R3HDM2: variants seen among roughly 807,000 people sequenced by gnomAD.
The protein encoded by R3HDM2 is R3H domain-containing protein 2.
Under a neutral mutation model 124.5 loss-of-function variants are expected in R3HDM2, and 38 were observed. The observed-to-expected ratio is 0.31, with a 90% CI of 0.24 to 0.40. R3HDM2 has a LOEUF of 0.40. R3HDM2 is among the 10% of genes least tolerant of loss of function. The probability of loss-of-function intolerance (pLI) is 1.00; values close to 1 mark genes in which losing one functional copy is unlikely to be tolerated. For synonymous variants in R3HDM2, 391 were observed against 448.0 expected (o/e 0.87, Z 1.61); for missense variants, 869 against 1,236.9 (o/e 0.70, Z 4.46).
At chr12:57,319,235 C>T (rs1037349145) in intron 2 of R3HDM2, among the ~76,000 whole-genome samples, 3 of 152,078 alleles carry the variant, frequency 2.0e-5, no homozygotes, top group African/African-American at 4.8e-5. Flanking sequence ...GGGGTTTCAC[C>T]ATGTTGGCCA....
chr12:57,366,978 C>T (rs551559383), intron 2 of R3HDM2, among the ~76,000 whole-genome samples: 3 of 152,256 alleles, frequency 2.0e-5, no homozygotes, highest in Non-Finnish European at 2.9e-5. Flanking sequence ...TGAGCCACCA[C>T]GCCCAGTCTG....
At chr12:57,358,189 G>C (rs2061508155) in intron 2 of R3HDM2, among the ~76,000 whole-genome samples, 1 of 151,240 alleles carries the variant, frequency 6.6e-6, no homozygotes, top group Non-Finnish European at 1.5e-5. Context: ...GTTTTGCCAT[G>C]CTGGCCACGC....
intron 2 of R3HDM2, among the ~76,000 whole-genome samples, chr12:57,331,632 TAA>T (rs577183828): frequency 6.6e-6 from 1 of 151,966 alleles, no homozygotes; most frequent in Non-Finnish European, 1.5e-5. Flanking sequence ...TCTGTCTCTG[TAA>T]AATTTTTTTA....
intron 2 of R3HDM2, among the ~76,000 whole-genome samples, chr12:57,378,262 G>A (rs919889060): frequency 2.0e-5 from 3 of 152,086 alleles, no homozygotes; most frequent in African/African-American, 7.2e-5. Context: ...GCAAAAAGGG[G>A]ACATGAAAGG....
At chr12:57,338,897 G>A (rs565133236) in intron 2 of R3HDM2, among the ~76,000 whole-genome samples, 3 of 151,604 alleles carry the variant, frequency 2.0e-5, no homozygotes, top group African/African-American at 7.3e-5. Context: ...AATAATAATG[G>A]CTAATGCTAA....
At chr12:57,386,154 C>T (rs1258696575) in intron 2 of R3HDM2, among the ~76,000 whole-genome samples, 3 of 132,200 alleles carry the variant, frequency 2.3e-5, no homozygotes, top group South Asian at 2.6e-4. Flanking sequence ...GTGCTGGCAG[C>T]GCTCGCAGCC....
At chr12:57,430,478 G>GC in intron 1 of R3HDM2, 62 of 944,206 alleles carry the variant, frequency 6.6e-5, no homozygotes, top group Non-Finnish European at 6.9e-5. Flanking sequence ...CACAGGTGGC[G>GC]CCACCCCCCT....
chr12:57,332,513 A>G (rs1041046815), intron 2 of R3HDM2, among the ~76,000 whole-genome samples: 1 of 151,876 alleles, frequency 6.6e-6, no homozygotes, highest in Non-Finnish European at 1.5e-5. Context: ...CTGTTTTCTC[A>G]AAACGGTCTG....
Position 57,369,463 on chromosome 12 carries a change from TA to T in R3HDM2, c.-36+26285del, listed in dbSNP as rs747666034. On this transcript the variant is annotated intron_variant, in intron 2 of 23. Transcript: ENST00000402412. ...AGCCACCGTTCTAGCATGCCAGTAATAAATAAGCACTAACTTTGTTATGCAG... is the reference window on the plus strand; with the variant it reads ...AGCCACCGTTCTAGCATGCCAGTAATAATAAGCACTAACTTTGTTATGCAG... 5.9e-5 allele frequency among the ~76,000 whole-genome samples: 9 copies of T among 152,194 alleles called. 1 individual carries two copies. The highest frequency in any genetic ancestry group is 1.2e-4 in the African/African-American group (5 of 41,446).
chr12:57,301,970 C>T (rs1429703033), intron 4 of R3HDM2, among the ~76,000 whole-genome samples: 4 of 152,186 alleles, frequency 2.6e-5, no homozygotes, highest in Non-Finnish European at 4.4e-5. Context: ...AATCCTCTTC[C>T]TGCCCCCTAA....
At chr12:57,425,212 C>T (rs1250691813) in intron 1 of R3HDM2, among the ~76,000 whole-genome samples, 1 of 150,188 alleles carries the variant, frequency 6.7e-6, no homozygotes, top group African/African-American at 2.5e-5. Context: ...GTGGAAGTTG[C>T]GGTGAGCCGA....
intron 2 of R3HDM2, among the ~76,000 whole-genome samples, chr12:57,380,733 C>T (rs191588214): frequency 6.6e-6 from 1 of 151,966 alleles, no homozygotes; most frequent in African/African-American, 2.4e-5. Flanking sequence ...GATGGATTAA[C>T]ACAAATCTTC....
At chr12:57,404,355 C>T (rs1021105682) in intron 1 of R3HDM2, among the ~76,000 whole-genome samples, 5 of 150,992 alleles carry the variant, frequency 3.3e-5, no homozygotes, top group African/African-American at 9.7e-5. Context: ...TGAGCCACCG[C>T]GCCTGGCCAT....
chr12:57,430,592 C>T, intron 1 of R3HDM2, 128 bp downstream of exon 1: 1 of 984,958 alleles, frequency 1.0e-6, no homozygotes, highest in South Asian at 4.7e-5. Context: ...CCATCGTCCC[C>T]GGGACCGGCT....
chr12:57,418,331 C>G (rs755461093), intron 1 of R3HDM2: 1 of 985,252 alleles, frequency 1.0e-6, no homozygotes, highest in African/African-American at 1.7e-5. Context: ...ATTTAGTTAA[C>G]GGGGCAAGGC....
At chr12:57,332,172 G>A (rs1593409979) in intron 2 of R3HDM2, among the ~76,000 whole-genome samples, 4 of 151,898 alleles carry the variant, frequency 2.6e-5, no homozygotes, top group Admixed American at 2.6e-4. Flanking sequence ...AACTTTGGAA[G>A]GCTGAGGTGG....
chr12:57,352,330 A>G (rs2060775192), intron 2 of R3HDM2, among the ~76,000 whole-genome samples: 1 of 151,988 alleles, frequency 6.6e-6, no homozygotes, highest in Non-Finnish European at 1.5e-5. Flanking sequence ...TAAATAACCC[A>G]AACAAATGGA....
intron 12 of R3HDM2, chr12:57,288,796 T>C: frequency 7.0e-7 from 1 of 1,423,132 alleles, no homozygotes. Context: ...GCTGAAAAGA[T>C]TACAGCAAAA....
intron 3 of R3HDM2, among the ~76,000 whole-genome samples, chr12:57,309,600 G>A (rs916936257): frequency 1.3e-5 from 2 of 152,284 alleles, no homozygotes; most frequent in East Asian, 3.9e-4. Context: ...AACACAACCA[G>A]GATATGAATT....
Sources: gnomAD v4.1 joint callset for allele counts (sites outside exome capture counted in the v4.1 genomes callset) on GRCh38, gnomAD v4.1.1 for gene constraint, MANE v1.5 for transcripts, NCBI Gene and HGNC (gene_info 2026-07-23, HGNC 2026-07-21) for gene names.